Variants in DNAJC16 observed in about 807,000 individuals in gnomAD.
DNAJC16 encodes the protein dnaJ homolog subfamily C member 16.
In DNAJC16, 76 loss-of-function variants were observed where a neutral mutation model predicts 92.7. The observed-to-expected ratio is 0.82, with a 90% CI of 0.68 to 0.99. DNAJC16 has a LOEUF of 0.99. Among genes scored for constraint, DNAJC16 ranks in the 50% least tolerant of loss-of-function variants. The probability of loss-of-function intolerance (pLI) is 0.00; values close to 1 mark genes in which losing one functional copy is unlikely to be tolerated. For synonymous variants in DNAJC16, 328 were observed against 358.7 expected, an observed-to-expected ratio of 0.91 and a Z score of 0.97; for missense variants, 869 against 942.4, an observed-to-expected ratio of 0.92 and a Z score of 1.02.
At chr1:15,538,266 G>A (rs1710840536) in intron 4 of DNAJC16, among the ~76,000 whole-genome samples, 2 of 151,888 alleles carry the variant, frequency 1.3e-5, no homozygotes, top group Non-Finnish European at 2.9e-5. Flanking sequence ...GTGGTGGCGG[G>A]TGCCTGTAGT....
In DNAJC16 at chr1:15,567,277, T is replaced by C. The variant is rs769343272; in HGVS notation, c.1949+8T>C. 3 of 1,596,652 alleles carry C rather than the reference T, an allele frequency of 1.9e-6. No individual in the cohort carries two copies. The South Asian group carries it at 3.3e-5, about 18-fold the overall frequency. ...GGTCTACACATTTACTGGGTAAGCA[T>C]GTGTGTGTGTGCATGTATGTATGTG... On this transcript the variant is annotated splice_region_variant and intron_variant, in intron 14 of 14. Transcript: ENST00000375847.
chr1:15,544,523 T>A lies in DNAJC16; in HGVS notation c.699T>A (p.Val233=). 1 of 1,614,174 alleles carries A rather than the reference T, an allele frequency of 6.2e-7. No homozygotes were observed. ...AAATCTCCTTCTTCCACAATGCAGTTGTCCGTGAAAATCTGCGACAATTTG... is the reference window on the plus strand; with the variant it reads ...AAATCTCCTTCTTCCACAATGCAGTAGTCCGTGAAAATCTGCGACAATTTG... The part of the protein sequence containing the change: ...NGKISFFHNA[V]VRENLRQFVE... Residue 233 remains valine (V), a synonymous_variant, in exon 5 of 15, where the codon GTT becomes GTA. Coordinates refer to ENST00000375847, the MANE Select transcript of DNAJC16 (RefSeq NM_015291.4).
intron 9 of DNAJC16, among the ~76,000 whole-genome samples, chr1:15,562,847 C>T (rs893328973): frequency 1.3e-5 from 2 of 151,244 alleles, no homozygotes; most frequent in African/African-American, 4.9e-5. Flanking sequence ...GCCTCAGGCC[C>T]CCACAGAAAC....
intron 7 of DNAJC16, among the ~76,000 whole-genome samples, chr1:15,555,499 A>G (rs1265059665): frequency 2.6e-5 from 4 of 151,210 alleles, no homozygotes; most frequent in African/African-American, 7.3e-5. Flanking sequence ...CCTGGCCAAC[A>G]TGGTGAAACC....
At chr1:15,565,425 T>A (rs1231078122) in intron 11 of DNAJC16, 1 of 166,834 alleles carries the variant, frequency 6.0e-6, no homozygotes, top group African/African-American at 2.4e-5. Flanking sequence ...ACACAGCACC[T>A]GACAAATGAC....
chr1:15,550,678 A>G (rs561445410), intron 7 of DNAJC16, among the ~76,000 whole-genome samples: 1 of 152,314 alleles, frequency 6.6e-6, no homozygotes. Flanking sequence ...AGTCTGTGAG[A>G]TCATATCAAG....
rs147998860 is a variant in DNAJC16, at chr1:15,528,340, A to G, written c.-18-748A>G. The stretch of plus-strand genomic sequence containing the variant: ...TCCCAGCTACTGGGGAGGCTGAGAC[A>G]GGAGACTTGCTTGAACCTGGGAGGG... On this transcript the variant is annotated intron_variant, in intron 1 of 14. Transcript: ENST00000375847. 2.8e-3 allele frequency among the ~76,000 whole-genome samples: 421 copies of G among 152,290 alleles called. 3 individuals are homozygous for G. Among genetic ancestry groups the G allele is most frequent in the African/African-American group, 9.3e-3 (388 of 41,584 alleles).
In DNAJC16 at chr1:15,548,345, A is replaced by G. The variant is rs1463119967; in HGVS notation, c.940A>G (p.Thr314Ala). ...GGGTTTGAGAGGGACGGAAGAGATG[A>G]CAAGGCGGTACAACATCAATATCTA... Reference protein sequence around the residue: ...YVGLRGTEEMTRRYNINIYAP... With the variant: ...YVGLRGTEEMARRYNINIYAP... The change falls in exon 7 of 15, where the codon ACA (threonine) becomes GCA (alanine). Residue 314 changes from threonine (T) to alanine (A), a missense_variant. Thr to Ala is a moderately conservative substitution (Grantham distance 58). Coordinates refer to ENST00000375847, the MANE Select transcript of DNAJC16 (RefSeq NM_015291.4). 6.2e-7 allele frequency: 1 copy of G among 1,614,066 alleles called. No homozygotes were observed. The highest frequency in any genetic ancestry group is 1.7e-5 in the Admixed American group (1 of 60,002).
intron 5 of DNAJC16, 22 bp downstream of exon 5, chr1:15,544,605 T>G (rs112967791): frequency 1.2e-6 from 2 of 1,611,934 alleles, no homozygotes; most frequent in Non-Finnish European, 8.5e-7. Flanking sequence ...TCAAGGAAAC[T>G]ATGGCTGAGA....
chr1:15,564,246 T>G (rs761941683), intron 10 of DNAJC16, 37 bp from the exon 11 acceptor site: 82 of 1,547,594 alleles, frequency 5.3e-5, no homozygotes, highest in Non-Finnish European at 7.2e-5. Context: ...CCCTTCCGGC[T>G]TTAGTCCTGA....
At position 15,568,781 on chromosome 1, in the gene DNAJC16, AAAAGG is replaced by A. The variant is rs750724080; in HGVS notation, c.*612_*616del. On this transcript the variant is annotated 3_prime_UTR_variant, in exon 15 of 15. Coordinates refer to ENST00000375847, the MANE Select transcript of DNAJC16 (RefSeq NM_015291.4). ...ACAACAGTTTGTTGGCCACAGGTTG[AAAAGG>A]AAAGGAATAAACGGGAGTTCTGCAT... The A allele has an allele frequency of 1.0e-5, 4 of 398,072 alleles. No individual in the cohort carries two copies. Among genetic ancestry groups the A allele is most frequent in the Non-Finnish European group, 1.8e-5 (4 of 225,774 alleles). The allele number at this position is 398,072 out of a possible 1,614,324, so 24.7% of individuals were successfully genotyped here. A position where few individuals can be genotyped will look rare whatever the true frequency, so the allele number is the denominator to read the frequency against.
At position 15,548,291 on chromosome 1, in the gene DNAJC16, GATT is replaced by G. The variant is rs1295825864; in HGVS notation, c.890_892del (p.Tyr297del). 3 of 1,613,856 alleles carry G rather than the reference GATT, an allele frequency of 1.9e-6. No individual in the cohort carries two copies. The highest frequency in any genetic ancestry group is 2.7e-5 in the African/African-American group (2 of 74,904). On this transcript the variant is annotated inframe_deletion, in exon 7 of 15. Transcript: ENST00000375847. ...ACAGTTGACTGCCTTTGCATACAAA[GATT>G]ATTTATCATTTGGATATGTATATGT...
rs772590021 is a variant in DNAJC16 at position 15,536,641 on chromosome 1, G to A, written c.401G>A (p.Arg134Gln). 61 of 1,613,844 alleles carry A rather than the reference G, an allele frequency of 3.8e-5. No homozygotes were observed. Among genetic ancestry groups the A allele is most frequent in the Middle Eastern group, 1.6e-4 (1 of 6,084 alleles). The change falls in exon 4 of 15, where the codon CGG becomes CAG. Residue 134 changes from arginine (R) to glutamine (Q), a missense_variant. Transcript: ENST00000375847. ...TTTCACTTCCCTTTTAATTCTGAAC[G>A]GCGGGACTCAATTGACGAAAAGTAT... Reference protein sequence around the residue: ...SFFHFPFNSERRDSIDEKYLL... With the variant: ...SFFHFPFNSEQRDSIDEKYLL...
At chr1:15,559,419 T>A (rs2103423665) in intron 7 of DNAJC16, 107 bp from the exon 8 acceptor site, 1 of 1,488,444 alleles carries the variant, frequency 6.7e-7, no homozygotes, top group Middle Eastern at 1.8e-4. Context: ...TTATATTACT[T>A]TAGCCAAGGT....
At position 15,570,193 on chromosome 1, in the gene DNAJC16, G is replaced by A. The variant is rs1484088917; in HGVS notation, c.*2016G>A. On this transcript the variant is annotated 3_prime_UTR_variant, in exon 15 of 15. Coordinates refer to ENST00000375847, the MANE Select transcript of DNAJC16 (RefSeq NM_015291.4). Reference sequence around the variant, plus strand: ...CATGGCACCTGGTCCAACTAGAAATGGTCAAGGAATTCATTTGGCTCCTTG... The same window carrying A: ...CATGGCACCTGGTCCAACTAGAAATAGTCAAGGAATTCATTTGGCTCCTTG... The A allele has an allele frequency of 6.6e-6, 1 of 152,268 alleles. No individual in the cohort carries two copies. Among genetic ancestry groups the A allele is most frequent in the African/African-American group, 2.4e-5 (1 of 41,422 alleles). The allele number at this position is 152,268 out of a possible 1,614,324, so 9.4% of individuals were successfully genotyped here. A position where few individuals can be genotyped will look rare whatever the true frequency, so the allele number is the denominator to read the frequency against.
In DNAJC16 at chr1:15,536,484, A is replaced by G. The variant is rs201982283; in HGVS notation, c.244A>G (p.Asn82Asp). 51 of 1,575,404 alleles carry G rather than the reference A, an allele frequency of 3.2e-5. No homozygotes were observed. Among genetic ancestry groups the G allele is most frequent in the Non-Finnish European group, 4.3e-5 (50 of 1,165,040 alleles). The change falls in exon 4 of 15, where the codon AAT (asparagine) becomes GAT (aspartate). Residue 82 changes from asparagine (N) to aspartate (D), a missense_variant. Asn to Asp is a conservative substitution (Grantham distance 23). Coordinates refer to ENST00000375847, the MANE Select transcript of DNAJC16 (RefSeq NM_015291.4). The part of the protein sequence containing the change: ...QISKAYEILS[N>D]EEKRSNYDQY... Reference sequence around the variant, plus strand: ...TTTTCTTCCTTTATAGATTCTTTCAAATGAAGAAAAGAGATCAAATTATGA... The same window carrying G: ...TTTTCTTCCTTTATAGATTCTTTCAGATGAAGAAAAGAGATCAAATTATGA...
At chr1:15,554,469 C>A (rs1242058786) in intron 7 of DNAJC16, among the ~76,000 whole-genome samples, 1 of 152,110 alleles carries the variant, frequency 6.6e-6, no homozygotes, top group Non-Finnish European at 1.5e-5. Context: ...GTATTCTTCT[C>A]ATAGAGCTTC....
In DNAJC16 at chr1:15,562,445, T is replaced by C. The variant is rs183432540; in HGVS notation, c.1338+120T>C. On this transcript the variant is annotated intron_variant, in intron 9 of 14. Transcript: ENST00000375847. ...CTAGGAAATCTGAAACTCTGAAGCC[T>C]ATTTTCAAAGTCTACTCTTTTGTTT... The C allele has an allele frequency of 5.4e-6, 6 of 1,109,964 alleles. No homozygotes were observed. In the African/African-American group the frequency reaches 9.5e-5, roughly 18 times the overall value. 68.8% of individuals were successfully genotyped at this position (1,109,964 alleles called of 1,614,324 possible).
At chr1:15,566,247 C>T (rs972583556) in intron 13 of DNAJC16, 67 bp downstream of exon 13, 40 of 1,283,568 alleles carry the variant, frequency 3.1e-5, no homozygotes, top group Non-Finnish European at 3.7e-5. Flanking sequence ...CATCTGATAA[C>T]GCAGCATTGG....
Sources: allele counts gnomAD v4.1 joint callset (sites outside exome capture counted in the v4.1 genomes callset), GRCh38; gene constraint gnomAD v4.1.1; transcripts MANE v1.5; gene names NCBI Gene and HGNC (gene_info 2026-07-23, HGNC 2026-07-21).